The following ATP8A1 variants were observed in gnomAD, a reference collection of about 807,000 sequenced individuals.
ATP8A1 encodes ATPase phospholipid transporting 8A1.
In ATP8A1, 90 loss-of-function variants were observed where a neutral mutation model predicts 177.7. That is an observed-to-expected ratio of 0.51 (90% CI 0.43 to 0.60). ATP8A1 has a LOEUF of 0.60. Among genes scored for constraint, ATP8A1 ranks in the 20% least tolerant of loss-of-function variants. ATP8A1 has a pLI of 0.00. For missense variants in ATP8A1, 1,072 were observed against 1,392.8 expected, an observed-to-expected ratio of 0.77 and a Z score of 3.67; for synonymous variants, 493 against 485.9, an observed-to-expected ratio of 1.01 and a Z score of -0.19.
At chr4:42,630,435 C>T (rs577160133) in intron 1 of ATP8A1, among the ~76,000 whole-genome samples, 174 of 152,246 alleles carry the variant, frequency 1.1e-3, no homozygotes, top group Non-Finnish European at 2.0e-3. Context: ...TATGTCATCC[C>T]CTCACAGAAA....
At chr4:42,520,574 G>A (rs1726012270) in intron 22 of ATP8A1, among the ~76,000 whole-genome samples, 1 of 152,068 alleles carries the variant, frequency 6.6e-6, no homozygotes. Context: ...GGGGAGGGAA[G>A]AAGTGGGGAA....
intron 22 of ATP8A1, among the ~76,000 whole-genome samples, chr4:42,519,622 T>C (rs1247493480): frequency 6.6e-6 from 1 of 152,152 alleles, no homozygotes; most frequent in African/African-American, 2.4e-5. Context: ...CATGTAAACA[T>C]GAACTGCTTG....
In ATP8A1 at chr4:42,414,725, A is replaced by G; in HGVS notation, c.3306-7T>C. On this transcript the variant is annotated splice_polypyrimidine_tract_variant and splice_region_variant and intron_variant, in intron 35 of 36. Transcript: ENST00000381668. ...TTGCGCCCTCTCGGTCAGGCTGCAG[A>G]GCAGGTGCAAATGTGTGAAATGAAT... 1 of 1,612,348 alleles carries G rather than the reference A, an allele frequency of 6.2e-7. No homozygotes were observed. Among genetic ancestry groups the G allele is most frequent in the Non-Finnish European group, 8.5e-7 (1 of 1,178,430 alleles).
chr4:42,597,707 G>A (rs1182453153), intron 6 of ATP8A1, among the ~76,000 whole-genome samples: 7 of 152,008 alleles, frequency 4.6e-5, no homozygotes, highest in East Asian at 1.9e-4. Context: ...TTTTATACAC[G>A]TGGAGATATT....
At chr4:42,467,556 A>AG (rs1560357484) in intron 25 of ATP8A1, among the ~76,000 whole-genome samples, 1 of 152,118 alleles carries the variant, frequency 6.6e-6, no homozygotes. Context: ...AGCTAGGGAT[A>AG]GGGGCGCGTG....
intron 16 of ATP8A1, among the ~76,000 whole-genome samples, chr4:42,555,147 T>TATCTATCTA (rs1730031649): frequency 1.3e-5 from 1 of 74,500 alleles, no homozygotes; most frequent in Non-Finnish European, 2.9e-5. Flanking sequence ...CTAATCTATC[T>TATCTATCTA]ATCTATCTAT....
In ATP8A1 at chr4:42,409,530, T is replaced by C. The variant is rs910332512; in HGVS notation, c.*3386A>G. 1.3e-5 allele frequency: 2 copies of C among 152,158 alleles called. No homozygotes were observed. The highest frequency in any genetic ancestry group is 4.8e-5 in the African/African-American group (2 of 41,440). 9.4% of individuals were successfully genotyped at this position (152,158 alleles called of 1,614,324 possible). A position where few individuals can be genotyped will look rare whatever the true frequency, so the allele number is the denominator to read the frequency against. The stretch of plus-strand genomic sequence containing the variant: ...GAATTCCTGGTCCATGTGATGTGAA[T>C]GGGCTGGGCACTTTCTCCATAAATT... On this transcript the variant is annotated 3_prime_UTR_variant, in exon 37 of 37. Coordinates refer to ENST00000381668, the MANE Select transcript of ATP8A1 (RefSeq NM_006095.2).
At chr4:42,475,375 G>A (rs1190812919) in intron 25 of ATP8A1, among the ~76,000 whole-genome samples, 1 of 151,660 alleles carries the variant, frequency 6.6e-6, no homozygotes, top group Admixed American at 6.6e-5. Flanking sequence ...GACAGACACA[G>A]CATTGTTAAC....
rs772899575 is a variant in ATP8A1 at position 42,594,462 on chromosome 4, A to T, written c.451-3578T>A. 1.6e-5 allele frequency: 11 copies of T among 688,584 alleles called. No individual in the cohort carries two copies. The Admixed American group carries it at 2.0e-4, about 12-fold the overall frequency. The allele number at this position is 688,584 out of a possible 1,614,324, so 42.7% of individuals were successfully genotyped here. A position where few individuals can be genotyped will look rare whatever the true frequency, so the allele number is the denominator to read the frequency against. On this transcript the variant is annotated intron_variant, in intron 6 of 36. Transcript: ENST00000381668. ...CATAGAATACACAGTAAAAATGGTTATCGGCAAACAAGAACCACTTATCTT... is the reference window on the plus strand; with the variant it reads ...CATAGAATACACAGTAAAAATGGTTTTCGGCAAACAAGAACCACTTATCTT...
At chr4:42,537,142 A>AC (rs1275311018) in intron 20 of ATP8A1, among the ~76,000 whole-genome samples, 1 of 143,920 alleles carries the variant, frequency 6.9e-6, no homozygotes, top group Admixed American at 7.1e-5. Context: ...CAAAAAAAAA[A>AC]AAAACAAAAA....
chr4:42,469,356 G>A (rs551334329), intron 25 of ATP8A1, among the ~76,000 whole-genome samples: 1 of 152,260 alleles, frequency 6.6e-6, no homozygotes, highest in East Asian at 1.9e-4. Flanking sequence ...ACACACCCAA[G>A]AGCCTCTGGG....
intron 33 of ATP8A1, among the ~76,000 whole-genome samples, chr4:42,427,287 T>G (rs1443010991): frequency 6.6e-6 from 1 of 152,152 alleles, no homozygotes; most frequent in Admixed American, 6.5e-5. Context: ...AAATTCTGGG[T>G]TAATATCTGA....
At position 42,465,018 on chromosome 4, in the gene ATP8A1, C is replaced by T. The variant is rs375992978; in HGVS notation, c.2383G>A (p.Val795Ile). The T allele has an allele frequency of 4.0e-5, 65 of 1,614,032 alleles. No individual in the cohort carries two copies. Among genetic ancestry groups the T allele is most frequent in the Admixed American group, 8.3e-5 (5 of 59,996 alleles). ...GCTCCATCACCGATTGCAAGCGTTACGACTTTGACTTGTTTCTTAACCATC... is the reference window on the plus strand; with the variant it reads ...GCTCCATCACCGATTGCAAGCGTTATGACTTTGACTTGTTTCTTAACCATC... ...VEMVKKQVKVVTLAIGDGAND... is the reference protein window; with the variant it reads ...VEMVKKQVKVITLAIGDGAND... Residue 795 changes from valine (V) to isoleucine (I), a missense_variant, in exon 26 of 37, where the codon GTA (valine) becomes ATA (isoleucine). Physicochemically the swap from Val to Ile is conservative, Grantham distance 29. Around this residue, in one of 5 missense-constraint regions of ATP8A1, gnomAD observed 316 missense variants for 459.1 expected, o/e 0.69. Coordinates refer to ENST00000381668, the MANE Select transcript of ATP8A1 (RefSeq NM_006095.2).
chr4:42,430,363 G>A (rs1436616950), intron 33 of ATP8A1, among the ~76,000 whole-genome samples: 4 of 152,096 alleles, frequency 2.6e-5, no homozygotes, highest in Non-Finnish European at 4.4e-5. Context: ...AAGTCAGATC[G>A]TGACTCCTTG....
At chr4:42,654,450 A>C (rs1741424500) in intron 1 of ATP8A1, among the ~76,000 whole-genome samples, 1 of 152,148 alleles carries the variant, frequency 6.6e-6, no homozygotes, top group African/African-American at 2.4e-5. Flanking sequence ...CTACTTGGGA[A>C]CTAGGGCTAT....
chr4:42,498,098 G>A (rs1723464995), intron 24 of ATP8A1, among the ~76,000 whole-genome samples: 1 of 152,178 alleles, frequency 6.6e-6, no homozygotes. Context: ...TTTAAAACTT[G>A]CCTAAACTAT....
At chr4:42,579,275 T>C (rs570848752) in intron 11 of ATP8A1, among the ~76,000 whole-genome samples, 14 of 151,174 alleles carry the variant, frequency 9.3e-5, no homozygotes, top group African/African-American at 3.4e-4. Flanking sequence ...CAAATGAAAA[T>C]ACATTGGGTT....
chr4:42,493,578 TTTCAATGTACCTCCTCATGA>T (rs1320448963), intron 24 of ATP8A1, among the ~76,000 whole-genome samples: 1 of 152,158 alleles, frequency 6.6e-6, no homozygotes, highest in Non-Finnish European at 1.5e-5. Context: ...TATGTATGTA[TTTCAATGTACCTCCTCATGA>T]TTTAATGTAA....
chr4:42,516,619 C>T (rs1725562938), intron 22 of ATP8A1, among the ~76,000 whole-genome samples: 1 of 152,104 alleles, frequency 6.6e-6, no homozygotes, highest in Non-Finnish European at 1.5e-5. Flanking sequence ...TCTATTGAAG[C>T]AAATAAATAT....
Sources: allele counts gnomAD v4.1 joint callset (sites outside exome capture counted in the v4.1 genomes callset), GRCh38; gene constraint gnomAD v4.1.1; regional missense constraint gnomAD v4.1.1; transcripts MANE v1.5; gene names NCBI Gene and HGNC (gene_info 2026-07-23, HGNC 2026-07-21).